The following BMP5 variants were observed in gnomAD, a reference collection of about 807,000 sequenced individuals.
The protein encoded by BMP5 is bone morphogenetic protein 5.
A neutral mutation model predicts 46.6 loss-of-function variants in BMP5; 23 were observed. That is an observed-to-expected ratio of 0.49 (90% CI 0.35 to 0.70). The LOEUF (loss-of-function observed/expected upper bound fraction) is 0.70, where lower values mean the gene tolerates loss of function less well. Among genes scored for constraint, BMP5 ranks in the 30% least tolerant of loss-of-function variants. BMP5 has a pLI of 0.00. For missense variants in BMP5, 545 were observed against 565.6 expected (o/e 0.96, Z 0.37); for synonymous variants, 204 against 191.9 (o/e 1.06, Z -0.52).
At chr6:55,839,225 T>C (rs1776892977) in intron 1 of BMP5, among the ~76,000 whole-genome samples, 1 of 152,112 alleles carries the variant, frequency 6.6e-6, no homozygotes, top group Admixed American at 6.6e-5. Context: ...ATTCTACTTA[T>C]TTATTTTTAT....
At chr6:55,853,090 A>G (rs1482787781) in intron 1 of BMP5, among the ~76,000 whole-genome samples, 1 of 151,720 alleles carries the variant, frequency 6.6e-6, no homozygotes, top group African/African-American at 2.4e-5. Flanking sequence ...AGATCGCACC[A>G]CTGCAACTCC....
At chr6:55,810,380 A>C (rs190993296) in intron 2 of BMP5, among the ~76,000 whole-genome samples, 178 of 152,312 alleles carry the variant, frequency 1.2e-3, no homozygotes, top group Non-Finnish European at 1.8e-3. Context: ...AAATTTAATC[A>C]CTTTTCACTG....
intron 4 of BMP5, among the ~76,000 whole-genome samples, chr6:55,769,330 A>G (rs1277278213): frequency 6.6e-6 from 1 of 151,944 alleles, no homozygotes; most frequent in Non-Finnish European, 1.5e-5. Context: ...CTTTGTTGTC[A>G]TTACAATTGC....
chr6:55,829,559 A>T (rs2127541760), intron 1 of BMP5, among the ~76,000 whole-genome samples: 1 of 152,016 alleles, frequency 6.6e-6, no homozygotes, highest in African/African-American at 2.4e-5. Context: ...ATAACTAGAC[A>T]GAATCCTAAT....
chr6:55,867,970 T>C (rs867626150), intron 1 of BMP5, among the ~76,000 whole-genome samples: 13 of 152,330 alleles, frequency 8.5e-5, no homozygotes, highest in Middle Eastern at 6.8e-3. Flanking sequence ...AAATTTAATT[T>C]ATAATTGAAC....
chr6:55,874,828 C>A lies in BMP5; in HGVS notation c.38G>T (p.Gly13Val). Reference sequence around the variant, plus strand: ...TAGAACCCAGCAGCTCCAGAGGAAACCCACAATACCCTTAAGTAAAAATAC... The same window carrying A: ...TAGAACCCAGCAGCTCCAGAGGAAAACCACAATACCCTTAAGTAAAAATAC... ...LTVFLLKGIV[G>V]FLWSCWVLVG... Residue 13 changes from glycine to valine, a missense_variant, in exon 1 of 7, where the codon GGT becomes GTT. Coordinates refer to ENST00000370830, the MANE Select transcript of BMP5 (RefSeq NM_021073.4). 6.2e-7 allele frequency: 1 copy of A among 1,613,154 alleles called. No individual in the cohort carries two copies.
intron 1 of BMP5, among the ~76,000 whole-genome samples, chr6:55,828,585 G>T (rs1223869093): frequency 6.6e-6 from 1 of 151,634 alleles, no homozygotes; most frequent in African/African-American, 2.4e-5. Context: ...ACATAATAAA[G>T]AAAGTTTGTT....
chr6:55,846,413 G>A (rs1470527), intron 1 of BMP5, among the ~76,000 whole-genome samples: 68,358 of 151,752 alleles, frequency 0.45, 16,237 homozygotes, highest in African/African-American at 0.6. Context: ...ATTAGAGAGA[G>A]ATGCCACCCA....
intron 1 of BMP5, among the ~76,000 whole-genome samples, chr6:55,832,323 T>A (rs1259241403): frequency 1.3e-5 from 2 of 152,168 alleles, no homozygotes; most frequent in Non-Finnish European, 2.9e-5. Context: ...AAAGCTCACC[T>A]CCCCTCACCA....
intron 5 of BMP5, among the ~76,000 whole-genome samples, chr6:55,760,104 C>A (rs2127515582): frequency 6.6e-6 from 1 of 151,916 alleles, no homozygotes; most frequent in South Asian, 2.1e-4. Flanking sequence ...AGTTGGAGAC[C>A]CTCAGAGGCT....
intron 1 of BMP5, among the ~76,000 whole-genome samples, chr6:55,838,501 T>C (rs1017860568): frequency 6.6e-6 from 1 of 152,206 alleles, no homozygotes; most frequent in Non-Finnish European, 1.5e-5. Context: ...TTAGATTTTT[T>C]CCTATAGAGT....
At chr6:55,817,753 TAATAA>T (rs759721923) in intron 2 of BMP5, among the ~76,000 whole-genome samples, 7 of 151,892 alleles carry the variant, frequency 4.6e-5, no homozygotes, top group East Asian at 3.9e-4. Flanking sequence ...AGTATAATAA[TAATAA>T]AATAAAATAA....
In BMP5 at chr6:55,860,345, A is replaced by T. The variant is rs1043796223; in HGVS notation, c.490+14031T>A. 6.6e-5 allele frequency among the ~76,000 whole-genome samples: 10 copies of T among 151,682 alleles called. No homozygotes were observed. The South Asian group carries it at 1.7e-3, about 25-fold the overall frequency. ...GAAACCCTGACAAAGAACTCTGATT[A>T]AAAAGAGTAAATGATTGAAAGTGGC... On this transcript the variant is annotated intron_variant, in intron 1 of 6. Transcript: ENST00000370830.
intron 4 of BMP5, among the ~76,000 whole-genome samples, chr6:55,761,344 T>G (rs1439709206): frequency 6.6e-6 from 1 of 152,078 alleles, no homozygotes; most frequent in African/African-American, 2.4e-5. Flanking sequence ...CAAGTGGACC[T>G]TTTAACAAGT....
At chr6:55,832,450 T>G (rs7741923) in intron 1 of BMP5, among the ~76,000 whole-genome samples, 1 of 152,214 alleles carries the variant, frequency 6.6e-6, no homozygotes, top group South Asian at 2.1e-4. Context: ...TAAGCCAGGA[T>G]TTTACTCAGA....
chr6:55,766,125 C>A (rs1307778780), intron 4 of BMP5, among the ~76,000 whole-genome samples: 1 of 152,134 alleles, frequency 6.6e-6, no homozygotes, highest in East Asian at 1.9e-4. Flanking sequence ...ATCAATTTCA[C>A]TATTTAATCT....
chr6:55,812,313 A>G (rs1199575708), intron 2 of BMP5, among the ~76,000 whole-genome samples: 4 of 152,216 alleles, frequency 2.6e-5, no homozygotes, highest in Non-Finnish European at 5.9e-5. Flanking sequence ...AGGTGGGAGA[A>G]ATGGTAGGAA....
At position 55,782,265 on chromosome 6, in the gene BMP5, A is replaced by G. The variant is rs1392615590; in HGVS notation, c.833-8022T>C. Among the ~76,000 whole-genome samples the G allele has an allele frequency of 2.6e-5, 4 of 152,308 alleles. No individual in the cohort carries two copies. In the East Asian group the frequency reaches 7.7e-4, roughly 29 times the overall value. ...CAAAAATATGTGCAATATTGTTTCA[A>G]TTATAAATAAAAAGTAAATTTAAAA... On this transcript the variant is annotated intron_variant, in intron 3 of 6. Transcript: ENST00000370830.
chr6:55,862,663 A>T (rs1777549329), intron 1 of BMP5, among the ~76,000 whole-genome samples: 1 of 152,152 alleles, frequency 6.6e-6, no homozygotes, highest in South Asian at 2.1e-4. Flanking sequence ...TTTGAGACAC[A>T]CTTATATTTT....
Sources: gnomAD v4.1 joint callset for allele counts (sites outside exome capture counted in the v4.1 genomes callset) on GRCh38, gnomAD v4.1.1 for gene constraint, MANE v1.5 for transcripts, NCBI Gene and HGNC (gene_info 2026-07-23, HGNC 2026-07-21) for gene names.